The following TAOK3 variants were observed in gnomAD, a reference collection of about 807,000 sequenced individuals.
The protein encoded by TAOK3 is TAO kinase 3.
In TAOK3, 40 loss-of-function variants were observed where a neutral mutation model predicts 120.4. That is an observed-to-expected ratio of 0.33 (90% CI 0.26 to 0.43). The LOEUF (loss-of-function observed/expected upper bound fraction) is 0.43, where lower values mean the gene tolerates loss of function less well. Among genes scored for constraint, TAOK3 ranks in the 20% least tolerant of loss-of-function variants. The probability of loss-of-function intolerance (pLI) is 1.00; values close to 1 mark genes in which losing one functional copy is unlikely to be tolerated. For missense variants in TAOK3, 821 were observed against 1,112.1 expected, an observed-to-expected ratio of 0.74 and a Z score of 3.72; for synonymous variants, 355 against 387.5, an observed-to-expected ratio of 0.92 and a Z score of 0.99.
At chr12:118,184,665 T>C (rs572235097) in intron 14 of TAOK3, among the ~76,000 whole-genome samples, 38 of 152,262 alleles carry the variant, frequency 2.5e-4, no homozygotes, top group Non-Finnish European at 4.7e-4. Flanking sequence ...AAGTCTAAAT[T>C]ACAAATTGAG....
chr12:118,238,095 G>A lies in TAOK3; in HGVS notation c.415C>T (p.His139Tyr). The change falls in exon 7 of 21, where the codon CAT (histidine) becomes TAT (tyrosine). Residue 139 changes from histidine to tyrosine, a missense_variant. Physicochemically the swap from His to Tyr is moderately conservative, Grantham distance 83. Transcript: ENST00000392533. ...HGALHGLAYL[H>Y]SHALIHRDIK... ...TACCTATGAATCAATGCATGAGAAT[G>A]TAGGTAGGCTAGTCCATGCAAGGCT... 1 of 1,608,200 alleles carries A rather than the reference G, an allele frequency of 6.2e-7. No individual in the cohort carries two copies. Among genetic ancestry groups the A allele is most frequent in the Non-Finnish European group, 8.5e-7 (1 of 1,175,640 alleles).
intron 9 of TAOK3, among the ~76,000 whole-genome samples, chr12:118,230,766 GCCT>G (rs1218320277): frequency 6.6e-6 from 1 of 152,112 alleles, no homozygotes; most frequent in Non-Finnish European, 1.5e-5. Flanking sequence ...ACCACGCCCA[GCCT>G]ACCTTGTGAA....
chr12:118,252,430 G>A (rs1229712491), intron 3 of TAOK3, among the ~76,000 whole-genome samples: 1 of 152,132 alleles, frequency 6.6e-6, no homozygotes, highest in Admixed American at 6.6e-5. Context: ...GGGACGGAGA[G>A]GGTTCTGACT....
chr12:118,210,712 T>A (rs562284726), intron 11 of TAOK3, among the ~76,000 whole-genome samples: 18 of 152,032 alleles, frequency 1.2e-4, no homozygotes, highest in African/African-American at 4.1e-4. Flanking sequence ...ACTGGCACTA[T>A]AACATATATT....
chr12:118,347,013 T>C (rs927087679), intron 1 of TAOK3, among the ~76,000 whole-genome samples: 2 of 152,166 alleles, frequency 1.3e-5, no homozygotes, highest in African/African-American at 4.8e-5. Context: ...CTTTTTTCTT[T>C]TTTTAGACCA....
At chr12:118,280,176 C>A (rs1470334736) in intron 1 of TAOK3, among the ~76,000 whole-genome samples, 1 of 151,838 alleles carries the variant, frequency 6.6e-6, no homozygotes, top group Non-Finnish European at 1.5e-5. Flanking sequence ...ATTCTCCTGC[C>A]TCAGCCTCCA....
intron 20 of TAOK3, among the ~76,000 whole-genome samples, chr12:118,151,925 AC>A (rs1355866053): frequency 3.9e-5 from 6 of 152,090 alleles, no homozygotes; most frequent in Admixed American, 3.3e-4. Flanking sequence ...AGCTCACAGT[AC>A]CTTTCAGGTG....
intron 1 of TAOK3, among the ~76,000 whole-genome samples, chr12:118,267,713 C>T (rs1160480018): frequency 3.3e-5 from 5 of 150,488 alleles, no homozygotes; most frequent in African/African-American, 1.2e-4. Context: ...GGTGAAACCC[C>T]GTCTCTACTG....
At chr12:118,315,687 T>A (rs1455755257) in intron 1 of TAOK3, among the ~76,000 whole-genome samples, 4 of 152,018 alleles carry the variant, frequency 2.6e-5, no homozygotes, top group African/African-American at 7.2e-5. Flanking sequence ...TTAACATTTT[T>A]AAAAAGAAAA....
intron 2 of TAOK3, among the ~76,000 whole-genome samples, chr12:118,261,970 C>T (rs970164384): frequency 5.3e-5 from 8 of 152,072 alleles, no homozygotes; most frequent in Admixed American, 3.3e-4. Context: ...CAGCAATTCT[C>T]GTGCCTCAGT....
intron 14 of TAOK3, among the ~76,000 whole-genome samples, chr12:118,187,051 AG>A (rs1231029563): frequency 6.6e-6 from 1 of 152,242 alleles, no homozygotes; most frequent in African/African-American, 2.4e-5. Flanking sequence ...AACAAATTTT[AG>A]GAAGACTAAT....
chr12:118,313,940 C>T (rs969246659), intron 1 of TAOK3, among the ~76,000 whole-genome samples: 3 of 152,142 alleles, frequency 2.0e-5, no homozygotes, highest in Non-Finnish European at 4.4e-5. Flanking sequence ...CCTTGCCATG[C>T]CTCTAATCCT....
Position 118,244,916 on chromosome 12 carries a change from T to C in TAOK3, c.170A>G (p.Tyr57Cys), listed in dbSNP as rs963518684. 15 of 1,608,854 alleles carry C rather than the reference T, an allele frequency of 9.3e-6. No individual in the cohort carries two copies. In the African/African-American group the frequency reaches 9.4e-5, roughly 10 times the overall value. Reference sequence around the variant, plus strand: ...CACCTCATGGGTCTGCTTCCCACTATAGGACATCTTCTTAATTGCCACCAC... The same window carrying C: ...CACCTCATGGGTCTGCTTCCCACTACAGGACATCTTCTTAATTGCCACCAC... ...SEVVAIKKMS[Y>C]SGKQTHEKWQ... The change falls in exon 4 of 21, where the codon TAT becomes TGT. Residue 57 changes from tyrosine (Y) to cysteine (C), a missense_variant. Physicochemically the swap from Tyr to Cys is radical, Grantham distance 194 (BLOSUM62 -2). Transcript: ENST00000392533.
intron 1 of TAOK3, among the ~76,000 whole-genome samples, chr12:118,333,990 C>T (rs1463969536): frequency 6.6e-6 from 1 of 151,584 alleles, no homozygotes; most frequent in Non-Finnish European, 1.5e-5. Context: ...ACAAAATTAG[C>T]CAGGCGTGGT....
chr12:118,248,169 A>G (rs1412948966), intron 3 of TAOK3, among the ~76,000 whole-genome samples: 7 of 151,860 alleles, frequency 4.6e-5, no homozygotes, highest in Non-Finnish European at 5.9e-5. Flanking sequence ...ATGTACAAAT[A>G]ATTTGACCAC....
intron 1 of TAOK3, among the ~76,000 whole-genome samples, chr12:118,366,755 C>T (rs1482609676): frequency 6.6e-6 from 1 of 152,134 alleles, no homozygotes; most frequent in Non-Finnish European, 1.5e-5. Context: ...ACGTGGACCA[C>T]ACCTCTTTGT....
intron 1 of TAOK3, among the ~76,000 whole-genome samples, chr12:118,320,937 T>A (rs1201729338): frequency 2.0e-5 from 3 of 152,124 alleles, no homozygotes; most frequent in Non-Finnish European, 4.4e-5. Flanking sequence ...GTGTAGCTAA[T>A]ATAACAAGAA....
At chr12:118,254,462 T>C (rs1162418454) in intron 3 of TAOK3, among the ~76,000 whole-genome samples, 1 of 152,170 alleles carries the variant, frequency 6.6e-6, no homozygotes, top group African/African-American at 2.4e-5. Flanking sequence ...AAAAGACATA[T>C]ATAAAGCAAA....
chr12:118,201,046 A>T (rs76273436), intron 12 of TAOK3: 5,015 of 321,648 alleles, frequency 0.016, 145 homozygotes, highest in East Asian at 0.07. Flanking sequence ...AACCTTCACT[A>T]ATCCCACCAG....
Sources: allele counts gnomAD v4.1 joint callset (sites outside exome capture counted in the v4.1 genomes callset), GRCh38; gene constraint gnomAD v4.1.1; transcripts MANE v1.5; gene names NCBI Gene and HGNC (gene_info 2026-07-23, HGNC 2026-07-21).